TG: variants seen among roughly 807,000 people sequenced by gnomAD.
TG encodes thyroid hormones.
In TG, 270 loss-of-function variants were observed where a neutral mutation model predicts 324.7. The observed-to-expected ratio is 0.83, with a 90% CI of 0.75 to 0.92. The LOEUF is 0.92. TG is among the 40% of genes least tolerant of loss of function. The pLI, the probability that TG is intolerant of heterozygous loss-of-function variation, is 0.00. For synonymous variants in TG, 1,401 were observed against 1,327.0 expected (o/e 1.06, Z -1.21); for missense variants, 3,591 against 3,456.4 (o/e 1.04, Z -0.98).
intron 24 of TG, among the ~76,000 whole-genome samples, chr8:132,934,623 C>T (rs746962811): frequency 2.0e-5 from 3 of 152,232 alleles, no homozygotes; most frequent in Admixed American, 6.5e-5. Context: ...TCTTCCTCCT[C>T]TCCCCAGGCC....
intron 45 of TG, among the ~76,000 whole-genome samples, chr8:133,128,179 G>A (rs533627229): frequency 1.6e-4 from 25 of 152,080 alleles, no homozygotes; most frequent in African/African-American, 5.5e-4. Context: ...TCAGCAGAAC[G>A]GCCACCTTTT....
chr8:132,913,618 A>G (rs1175410701), intron 20 of TG, among the ~76,000 whole-genome samples: 1 of 152,090 alleles, frequency 6.6e-6, no homozygotes, highest in Non-Finnish European at 1.5e-5. Flanking sequence ...CAATTTCCAA[A>G]TGGTCATTCA....
At chr8:133,115,168 G>A (rs530761167) in intron 44 of TG, among the ~76,000 whole-genome samples, 2 of 152,212 alleles carry the variant, frequency 1.3e-5, no homozygotes, top group South Asian at 4.1e-4. Flanking sequence ...TGACCTTAAG[G>A]ACAACCTGCG....
intron 5 of TG, among the ~76,000 whole-genome samples, chr8:132,880,711 C>T (rs1213356978): frequency 6.6e-6 from 1 of 152,196 alleles, no homozygotes; most frequent in Non-Finnish European, 1.5e-5. Context: ...TACTACACCA[C>T]ACATTGACTT....
intron 42 of TG, 142 bp downstream of exon 42, chr8:133,095,350 C>T (rs1848246801): frequency 1.0e-5 from 12 of 1,161,116 alleles, no homozygotes; most frequent in Non-Finnish European, 1.5e-5. Flanking sequence ...ACTCACATTC[C>T]CTAGCCCCTA....
chr8:133,079,135 A>G (rs1845358685), intron 41 of TG, among the ~76,000 whole-genome samples: 1 of 152,174 alleles, frequency 6.6e-6, no homozygotes, highest in Non-Finnish European at 1.5e-5. Context: ...GCCCCCACCA[A>G]GGACGTCAAG....
intron 41 of TG, among the ~76,000 whole-genome samples, chr8:133,075,633 T>C (rs1239622342): frequency 6.6e-6 from 1 of 152,196 alleles, no homozygotes; most frequent in East Asian, 1.9e-4. Context: ...TCATGACGGC[T>C]ATATCTTTCA....
intron 27 of TG, among the ~76,000 whole-genome samples, chr8:132,950,311 T>C (rs534580469): frequency 6.6e-6 from 1 of 152,350 alleles, no homozygotes; most frequent in African/African-American, 2.4e-5. Flanking sequence ...GTGCAGGTGC[T>C]GACCAGATAG....
At chr8:133,021,951 C>T (rs758161883) in intron 39 of TG, 40 bp from the exon 40 acceptor site, 7 of 1,613,468 alleles carry the variant, frequency 4.3e-6, no homozygotes, top group Middle Eastern at 1.6e-4. Flanking sequence ...GAAAGGTGCC[C>T]TCCCCACACT....
intron 41 of TG, chr8:133,037,299 TG>T (rs1183855789): frequency 6.6e-6 from 1 of 152,256 alleles, no homozygotes; most frequent in Non-Finnish European, 1.5e-5. Flanking sequence ...CTTAAAATTA[TG>T]CATGACATCA....
At chr8:133,050,665 G>A (rs1417701647) in intron 41 of TG, 14 of 612,780 alleles carry the variant, frequency 2.3e-5, no homozygotes, top group Non-Finnish European at 3.8e-5. Flanking sequence ...CATTAAAGAG[G>A]AAGGTTGCAG....
intron 11 of TG, among the ~76,000 whole-genome samples, chr8:132,896,744 C>G (rs951540218): frequency 1.3e-5 from 2 of 152,172 alleles, no homozygotes; most frequent in African/African-American, 4.8e-5. Context: ...TCTTGAGTGC[C>G]TACTATGAGC....
At chr8:132,919,228 C>T (rs569925602) in intron 20 of TG, 148 bp from the exon 21 acceptor site, 1 of 856,080 alleles carries the variant, frequency 1.2e-6, no homozygotes, top group African/African-American at 1.7e-5. Flanking sequence ...TTCTTAGAGT[C>T]TGACACACAG....
intron 13 of TG, 122 bp downstream of exon 13, chr8:132,898,368 G>C: frequency 2.1e-6 from 2 of 944,492 alleles, no homozygotes; most frequent in Non-Finnish European, 3.3e-6. Flanking sequence ...GGTCCCGGGT[G>C]CAGCCAGACG....
chr8:132,867,417 TAGA>T (rs1465197706), intron 1 of TG, among the ~76,000 whole-genome samples: 5 of 152,118 alleles, frequency 3.3e-5, no homozygotes, highest in Admixed American at 1.3e-4. Flanking sequence ...ACAGGTATTT[TAGA>T]AGCAGTAGAA....
chr8:132,928,258 A>G (rs1025237734), intron 22 of TG, among the ~76,000 whole-genome samples: 14 of 152,222 alleles, frequency 9.2e-5, no homozygotes, highest in African/African-American at 3.4e-4. Context: ...TAGTGCTTGT[A>G]TATATGTTTA....
chr8:133,042,360 A>G (rs1215349221), intron 41 of TG, among the ~76,000 whole-genome samples: 1 of 151,912 alleles, frequency 6.6e-6, no homozygotes, highest in Non-Finnish European at 1.5e-5. Context: ...GGGTTCCTAG[A>G]CCCTCAAGGT....
intron 41 of TG, among the ~76,000 whole-genome samples, chr8:133,066,094 C>T (rs1842993895): frequency 6.6e-6 from 1 of 152,018 alleles, no homozygotes; most frequent in Admixed American, 6.6e-5. Context: ...GAGGCTGAGG[C>T]GGGCAGATCA....
At chr8:133,035,992 CA>C (rs1328111362) in intron 41 of TG, among the ~76,000 whole-genome samples, 1 of 152,174 alleles carries the variant, frequency 6.6e-6, no homozygotes, top group Non-Finnish European at 1.5e-5. Context: ...ACCTCCTAAG[CA>C]CACTCCCTCC....
Sources: gnomAD v4.1 joint callset for allele counts (sites outside exome capture counted in the v4.1 genomes callset) on GRCh38, gnomAD v4.1.1 for gene constraint, MANE v1.5 for transcripts, NCBI Gene and HGNC (gene_info 2026-07-23, HGNC 2026-07-21) for gene names.